Variants in RELCH observed in about 807,000 individuals in gnomAD.
The protein encoded by RELCH is RAB11-binding protein RELCH.
RELCH carries 41 observed loss-of-function variants against 150.3 expected under a neutral mutation model. The observed-to-expected ratio is 0.27, with a 90% CI of 0.21 to 0.35. The LOEUF (loss-of-function observed/expected upper bound fraction) is 0.35. RELCH is among the 10% of genes least tolerant of loss of function. The pLI is 1.00. For missense variants in RELCH, 1,092 were observed against 1,467.8 expected (o/e 0.74, Z 4.18); for synonymous variants, 478 against 531.8 (o/e 0.90, Z 1.39).
At chr18:62,205,249 T>C (rs556716798) in intron 1 of RELCH, among the ~76,000 whole-genome samples, 37 of 152,304 alleles carry the variant, frequency 2.4e-4, no homozygotes, top group African/African-American at 8.4e-4. Flanking sequence ...GAGTAAAATA[T>C]ATAAATCTTA....
At chr18:62,247,289 A>T (rs1399199192) in intron 11 of RELCH, 1 of 152,208 alleles carries the variant, frequency 6.6e-6, no homozygotes, top group Non-Finnish European at 1.5e-5. Flanking sequence ...TTAGAAAATG[A>T]TGTATTACAA....
chr18:62,297,989 ACT>A (rs2145123839), intron 27 of RELCH, among the ~76,000 whole-genome samples: 1 of 151,968 alleles, frequency 6.6e-6, no homozygotes, highest in East Asian at 1.9e-4. Context: ...AACCCTTATC[ACT>A]TTCTAATACA....
intron 25 of RELCH, among the ~76,000 whole-genome samples, chr18:62,286,378 G>A (rs1476689773): frequency 6.6e-6 from 1 of 152,108 alleles, no homozygotes; most frequent in Admixed American, 6.5e-5. Context: ...CCCTAAAAAT[G>A]ATCATTGTTA....
At chr18:62,266,072 A>G (rs1012102048) in intron 18 of RELCH, among the ~76,000 whole-genome samples, 1 of 151,848 alleles carries the variant, frequency 6.6e-6, no homozygotes, top group Non-Finnish European at 1.5e-5. Flanking sequence ...GTAGGAATCT[A>G]CTTATGTACT....
At chr18:62,223,222 A>G (rs2040994954) in intron 5 of RELCH, among the ~76,000 whole-genome samples, 2 of 152,046 alleles carry the variant, frequency 1.3e-5, no homozygotes, top group African/African-American at 4.8e-5. Flanking sequence ...AGTAAAATTG[A>G]TAAACCTCTA....
intron 26 of RELCH, among the ~76,000 whole-genome samples, chr18:62,290,931 G>A (rs2045097585): frequency 6.6e-6 from 1 of 152,026 alleles, no homozygotes; most frequent in South Asian, 2.1e-4. Flanking sequence ...TTTTGATATA[G>A]GCATCTCTTT....
chr18:62,266,566 T>G (rs985711006), intron 18 of RELCH, 135 bp from the exon 19 acceptor site: 15 of 528,770 alleles, frequency 2.8e-5, no homozygotes, highest in African/African-American at 2.4e-4. Flanking sequence ...TTATTACATT[T>G]CTGACCACTT....
chr18:62,267,019 A>G (rs1376451888), intron 19 of RELCH, among the ~76,000 whole-genome samples: 1 of 151,940 alleles, frequency 6.6e-6, no homozygotes, highest in African/African-American at 2.4e-5. Flanking sequence ...CAACCTGGGT[A>G]CTCAACCTTT....
rs547829454 is a variant in RELCH, at chr18:62,231,053, C to G, written c.1449-141C>G. The G allele has an allele frequency of 2.6e-3, 1,508 of 583,332 alleles. 5 individuals are homozygous for G. Among genetic ancestry groups the G allele is most frequent in the Non-Finnish European group, 3.2e-3 (1,081 of 336,176 alleles). The allele number at this position is 583,332 out of a possible 1,614,324, so 36.1% of individuals were successfully genotyped here. A position where few individuals can be genotyped will look rare whatever the true frequency, so the allele number is the denominator to read the frequency against. ...TTCTCCAGTGAAGTGTTCTTCAAGT[C>G]ACTGGTGGCTCAGAAATCTGGTTAG... On this transcript the variant is annotated intron_variant, in intron 8 of 28. Coordinates refer to ENST00000644646, the MANE Select transcript of RELCH (RefSeq NM_001346231.2).
chr18:62,266,396 A>G (rs549639712), intron 18 of RELCH, among the ~76,000 whole-genome samples: 10 of 152,008 alleles, frequency 6.6e-5, no homozygotes, highest in African/African-American at 2.2e-4. Context: ...GAAGGCAGTA[A>G]TTTCAACCAC....
chr18:62,253,297 GTGTGTGTGTGTGTGTA>G (rs2042825196), intron 12 of RELCH, among the ~76,000 whole-genome samples: 1 of 134,516 alleles, frequency 7.4e-6, no homozygotes, highest in Admixed American at 7.2e-5. Flanking sequence ...GTGTGTGTGT[GTGTGTGTGTGTGTGTA>G]AATAGAAATA....
At chr18:62,238,254 G>C (rs1281726724) in intron 10 of RELCH, among the ~76,000 whole-genome samples, 1 of 151,698 alleles carries the variant, frequency 6.6e-6, no homozygotes, top group East Asian at 1.9e-4. Flanking sequence ...ACTGGCCTTG[G>C]GTTTAGTTGA....
intron 10 of RELCH, among the ~76,000 whole-genome samples, chr18:62,242,425 A>T (rs1230412653): frequency 6.6e-6 from 1 of 152,218 alleles, no homozygotes; most frequent in Non-Finnish European, 1.5e-5. Flanking sequence ...TTTTTAGGCC[A>T]TCTTTGCTTT....
chr18:62,225,211 C>T (rs927210470), intron 5 of RELCH, among the ~76,000 whole-genome samples: 3 of 151,132 alleles, frequency 2.0e-5, no homozygotes, highest in Non-Finnish European at 3.0e-5. Context: ...GGAGCATATA[C>T]TTAAATATAG....
At chr18:62,280,528 T>G in intron 23 of RELCH, 118 bp from the exon 24 acceptor site, 2 of 1,372,396 alleles carry the variant, frequency 1.5e-6, no homozygotes, top group Non-Finnish European at 2.1e-6. Flanking sequence ...ATTTATTTAA[T>G]TTGTCATTGC....
intron 1 of RELCH, among the ~76,000 whole-genome samples, chr18:62,196,164 G>A (rs1382870001): frequency 1.3e-5 from 2 of 152,164 alleles, no homozygotes; most frequent in Non-Finnish European, 1.5e-5. Flanking sequence ...CCTCTGTTAA[G>A]TTGGGATTGG....
chr18:62,208,501 CT>C (rs1312569901), intron 1 of RELCH, among the ~76,000 whole-genome samples: 2 of 151,764 alleles, frequency 1.3e-5, no homozygotes, highest in African/African-American at 4.8e-5. Flanking sequence ...CCTCATGGTT[CT>C]TTTTTTTCTA....
chr18:62,212,923 T>C (rs1451172333), intron 2 of RELCH, among the ~76,000 whole-genome samples: 2 of 152,230 alleles, frequency 1.3e-5, no homozygotes, highest in Non-Finnish European at 2.9e-5. Context: ...GTAATTGTTT[T>C]TCTGAGAGAA....
In RELCH at chr18:62,187,836, C is replaced by A; in HGVS notation, c.331C>A (p.Leu111Met). ...GCGCGATCAATACTTGCTGACCGCC[C>A]TGGAGCTGCATACCGAGCTGTTAGA... is the stretch of plus-strand genomic sequence containing the variant. ...LLRDQYLLTA[L>M]ELHTELLESG... is the part of the protein sequence containing the mutation. The change falls in exon 1 of 29, where the codon CTG becomes ATG. Residue 111 changes from leucine to methionine, a missense_variant. Coordinates refer to ENST00000644646, the MANE Select transcript of RELCH (RefSeq NM_001346231.2). The A allele has an allele frequency of 6.3e-7, 1 of 1,592,346 alleles. No individual in the cohort carries two copies. Among genetic ancestry groups the A allele is most frequent in the Admixed American group, 1.8e-5 (1 of 55,380 alleles).
Sources: gnomAD v4.1 joint callset for allele counts (sites outside exome capture counted in the v4.1 genomes callset) on GRCh38, gnomAD v4.1.1 for gene constraint, MANE v1.5 for transcripts, NCBI Gene and HGNC (gene_info 2026-07-23, HGNC 2026-07-21) for gene names.